Variants in CFAP44 observed in about 807,000 individuals in gnomAD.
The protein encoded by CFAP44 is cilia- and flagella-associated protein 44.
CFAP44 carries 134 observed loss-of-function variants against 216.2 expected under a neutral mutation model. The ratio of observed to expected loss-of-function variants is 0.62; its 90% CI spans 0.54 to 0.72. CFAP44 has a LOEUF of 0.72. Ranked by LOEUF, CFAP44 falls within the 30% of genes least tolerant of loss-of-function variation. The pLI is 0.00. For synonymous variants in CFAP44, 700 were observed against 727.6 expected (o/e 0.96, Z 0.61); for missense variants, 2,035 against 2,182.1 (o/e 0.93, Z 1.34).
chr3:113,342,985 A>AAAATAAAT (rs1016604832), intron 23 of CFAP44, among the ~76,000 whole-genome samples: 1 of 150,458 alleles, frequency 6.6e-6, no homozygotes. Flanking sequence ...CTCTGTATCA[A>AAAATAAAT]AAATAAATAA....
chr3:113,383,174 G>C (rs947529974), intron 15 of CFAP44, among the ~76,000 whole-genome samples: 1 of 152,226 alleles, frequency 6.6e-6, no homozygotes, highest in African/African-American at 2.4e-5. Context: ...GAATGTTATT[G>C]ATCCTTGTTT....
chr3:113,359,060 C>T (rs893127122), intron 21 of CFAP44, among the ~76,000 whole-genome samples, 185 bp from the exon 22 acceptor site: 17 of 152,250 alleles, frequency 1.1e-4, no homozygotes, highest in African/African-American at 3.1e-4. Flanking sequence ...AAATGTTCTT[C>T]GCAATTAACA....
At position 113,329,945 on chromosome 3, in the gene CFAP44, CA is replaced by C. The variant is rs369812490; in HGVS notation, c.4116+222del. Among the ~76,000 whole-genome samples, 441 of 147,122 alleles carry C rather than the reference CA, an allele frequency of 3.0e-3. 12 individuals are homozygous for C. The East Asian group carries it at 0.054, about 18-fold the overall frequency. ...TTCATTCTTTGTCAGCTTTCCAAAACAAAAAAAAAAGTTTAAAAGCTCTGTA... is the reference window on the plus strand; with the variant it reads ...TTCATTCTTTGTCAGCTTTCCAAAACAAAAAAAAAGTTTAAAAGCTCTGTA... On this transcript the variant is annotated intron_variant, in intron 26 of 34. Transcript: ENST00000393845.
intron 16 of CFAP44, among the ~76,000 whole-genome samples, chr3:113,379,977 C>T (rs1933461607): frequency 6.6e-6 from 1 of 152,182 alleles, no homozygotes; most frequent in South Asian, 2.1e-4. Context: ...CGCCTCCCAT[C>T]TTTTACTACT....
At position 113,379,399 on chromosome 3, in the gene CFAP44, T is replaced by TTCC. The variant is rs749873759; in HGVS notation, c.2202_2204dup (p.Glu737dup). On this transcript the variant is annotated inframe_insertion, in exon 17 of 35. Coordinates refer to ENST00000393845, the MANE Select transcript of CFAP44 (RefSeq NM_001164496.2). ...TAAATATTTCAGGTAATGGCTCTTC[T>TTCC]TCCTCCTCCTCCTCCTCTTTCTCCT... 86 of 1,606,448 alleles carry TTCC rather than the reference T, an allele frequency of 5.4e-5. No individual in the cohort carries two copies. The African/African-American group carries it at 1.1e-3, about 20-fold the overall frequency.
chr3:113,372,025 TG>T (rs1559927103), intron 18 of CFAP44, among the ~76,000 whole-genome samples: 2 of 152,144 alleles, frequency 1.3e-5, no homozygotes, highest in Admixed American at 6.5e-5. Flanking sequence ...AAAACCACAG[TG>T]AGATACCATC....
intron 22 of CFAP44, among the ~76,000 whole-genome samples, chr3:113,348,512 G>A (rs770955857): frequency 3.9e-4 from 59 of 152,194 alleles, no homozygotes; most frequent in Non-Finnish European, 6.9e-4. Context: ...CATTGAAGGA[G>A]AATACACAGC....
At chr3:113,439,239 G>A (rs942979337) in intron 1 of CFAP44, among the ~76,000 whole-genome samples, 5 of 151,892 alleles carry the variant, frequency 3.3e-5, no homozygotes, top group African/African-American at 1.2e-4. Context: ...GAATTAGAAT[G>A]GAGTCACCAG....
At chr3:113,315,523 A>G (rs1950078198) in intron 28 of CFAP44, among the ~76,000 whole-genome samples, 2 of 152,306 alleles carry the variant, frequency 1.3e-5, no homozygotes, top group Non-Finnish European at 2.9e-5. Context: ...TGATAGAACA[A>G]CTACATAGAA....
rs549297277 is a variant in CFAP44, at chr3:113,410,310, C to G, written c.674-988G>C. 1.7e-4 allele frequency among the ~76,000 whole-genome samples: 26 copies of G among 152,278 alleles called. No individual in the cohort carries two copies. The East Asian group carries it at 4.8e-3, about 28-fold the overall frequency. On this transcript the variant is annotated intron_variant, in intron 6 of 34. Transcript: ENST00000393845. ...GCTATCCCTACCCCCTCTCCCACCC[C>G]ACGACAGGCCCCGGTGTGTGATGTT...
intron 4 of CFAP44, among the ~76,000 whole-genome samples, chr3:113,424,068 T>A (rs1266039564): frequency 6.6e-6 from 1 of 152,204 alleles, no homozygotes; most frequent in Non-Finnish European, 1.5e-5. Flanking sequence ...GAGGCTGAAC[T>A]TAAAGTATGT....
intron 18 of CFAP44, among the ~76,000 whole-genome samples, chr3:113,370,659 A>C (rs1410112634): frequency 1.3e-5 from 2 of 152,242 alleles, no homozygotes; most frequent in African/African-American, 4.8e-5. Context: ...TTTCCTTTTG[A>C]AAACTGGCAC....
chr3:113,441,416 G>A, intron 1 of CFAP44, 37 bp downstream of exon 1: 1 of 985,886 alleles, frequency 1.0e-6, no homozygotes, highest in Non-Finnish European at 1.2e-6. Context: ...TAAGGGGGAG[G>A]GTGTGGAAAC....
At chr3:113,297,197 T>C (rs1467512861) in intron 32 of CFAP44, among the ~76,000 whole-genome samples, 1 of 152,094 alleles carries the variant, frequency 6.6e-6, no homozygotes, top group Non-Finnish European at 1.5e-5. Flanking sequence ...TTTTTTCAAA[T>C]ATGGCACTTT....
chr3:113,333,569 G>C lies in CFAP44; in HGVS notation c.3452C>G (p.Pro1151Arg), dbSNP rs1950257725. 1 of 1,531,408 alleles carries C rather than the reference G, an allele frequency of 6.5e-7. No individual in the cohort carries two copies. The highest frequency in any genetic ancestry group is 1.4e-5 in the African/African-American group (1 of 72,472). The allele number at this position is 1,531,408 out of a possible 1,614,324, so 94.9% of individuals were successfully genotyped here. The change falls in exon 25 of 35, where the codon CCT becomes CGT. Residue 1151 changes from proline to arginine, a missense_variant. Pro to Arg is a moderately radical substitution (Grantham distance 103, BLOSUM62 -2). Transcript: ENST00000393845. ...KEWEELYKSKPGDDYEDPKDL... is the reference protein window; with the variant it reads ...KEWEELYKSKRGDDYEDPKDL... ...TTTGGGATCTTCATAGTCATCACCA[G>C]GTTTACTCTTGTATCTATTAGAAAA...
chr3:113,414,854 A>T (rs7636128), intron 6 of CFAP44, among the ~76,000 whole-genome samples: 36,814 of 152,066 alleles, frequency 0.24, 5,916 homozygotes, highest in African/African-American at 0.46. Flanking sequence ...CGGTTTTGGT[A>T]TCAGGATGAT....
Position 113,330,471 on chromosome 3 carries a change from A to G in CFAP44, c.3813T>C (p.Tyr1271=). ...TAAAATTTAGGAGAGTTTCTTCATC[A>G]TACTGAAATCTCTTTTCTGGAACTT... is the stretch of plus-strand genomic sequence containing the variant. ...PEEVPEKRFQ[Y]DEETLLNFKQ... Residue 1271 remains tyrosine, a synonymous_variant, in exon 26 of 35, where the codon TAT becomes TAC. Transcript: ENST00000393845. 4 of 1,537,242 alleles carry G rather than the reference A, an allele frequency of 2.6e-6. No individual in the cohort carries two copies. The highest frequency in any genetic ancestry group is 3.5e-6 in the Non-Finnish European group (4 of 1,146,898).
At chr3:113,438,965 G>A (rs1397004156) in intron 1 of CFAP44, among the ~76,000 whole-genome samples, 3 of 152,014 alleles carry the variant, frequency 2.0e-5, no homozygotes, top group Admixed American at 6.6e-5. Context: ...TATGTTCTTC[G>A]TAGGATCTGG....
intron 22 of CFAP44, among the ~76,000 whole-genome samples, chr3:113,345,295 T>G (rs9863193): frequency 0.22 from 33,910 of 151,712 alleles, 4,112 homozygotes; most frequent in East Asian, 0.41. Context: ...AAAATAATTT[T>G]TAACTCTCAT....
Sources: gnomAD v4.1 joint callset for allele counts (sites outside exome capture counted in the v4.1 genomes callset) on GRCh38, gnomAD v4.1.1 for gene constraint, MANE v1.5 for transcripts, NCBI Gene and HGNC (gene_info 2026-07-23, HGNC 2026-07-21) for gene names.